AUTS2: variants seen among roughly 807,000 people sequenced by gnomAD.
AUTS2 encodes the protein autism susceptibility gene 2 protein.
A neutral mutation model predicts 112.4 loss-of-function variants in AUTS2; 17 were observed. That is an observed-to-expected ratio of 0.15 (90% CI 0.10 to 0.23). The LOEUF (loss-of-function observed/expected upper bound fraction) is 0.23, where lower values mean the gene tolerates loss of function less well. AUTS2 is among the 10% of genes least tolerant of loss of function. AUTS2 has a pLI of 1.00. For synonymous variants in AUTS2, 751 were observed against 702.7 expected, an observed-to-expected ratio of 1.07 and a Z score of -1.09; for missense variants, 1,510 against 1,701.6, an observed-to-expected ratio of 0.89 and a Z score of 1.98.
chr7:70,353,347 G>A (rs1169503301), intron 4 of AUTS2, among the ~76,000 whole-genome samples: 1 of 152,122 alleles, frequency 6.6e-6, no homozygotes, highest in Non-Finnish European at 1.5e-5. Context: ...GATGATCAGA[G>A]ATTCTTTTTT....
At chr7:70,501,849 C>T (rs1294689032) in intron 5 of AUTS2, among the ~76,000 whole-genome samples, 1 of 152,134 alleles carries the variant, frequency 6.6e-6, no homozygotes, top group Non-Finnish European at 1.5e-5. Flanking sequence ...TTTCCCCCTA[C>T]CCCAGCAACC....
intron 5 of AUTS2, among the ~76,000 whole-genome samples, chr7:70,619,345 GC>G (rs978635439): frequency 2.0e-5 from 3 of 152,124 alleles, no homozygotes; most frequent in Non-Finnish European, 4.4e-5. Context: ...ACCCTTTGCT[GC>G]CAGCAGGTTG....
At chr7:69,725,562 C>T (rs1282721291) in intron 1 of AUTS2, among the ~76,000 whole-genome samples, 1 of 151,986 alleles carries the variant, frequency 6.6e-6, no homozygotes, top group Non-Finnish European at 1.5e-5. Flanking sequence ...TAGTATGGAC[C>T]AAGACATGTG....
At chr7:70,170,660 G>A (rs565454216) in intron 4 of AUTS2, among the ~76,000 whole-genome samples, 5 of 148,384 alleles carry the variant, frequency 3.4e-5, no homozygotes, top group African/African-American at 5.0e-5. Flanking sequence ...GCGGTGGTGC[G>A]ATCTCAGCTC....
At chr7:70,168,975 G>A (rs534696880) in intron 4 of AUTS2, among the ~76,000 whole-genome samples, 12 of 152,042 alleles carry the variant, frequency 7.9e-5, no homozygotes, top group Non-Finnish European at 1.3e-4. Context: ...TTGGTTTGCA[G>A]TCCTGGTAAG....
chr7:70,267,609 G>A (rs1016262017), intron 4 of AUTS2, among the ~76,000 whole-genome samples: 2 of 152,190 alleles, frequency 1.3e-5, no homozygotes, highest in Non-Finnish European at 2.9e-5. Flanking sequence ...GACAATGGGA[G>A]AGATAAGTAG....
At chr7:70,649,675 C>A (rs1192007370) in intron 5 of AUTS2, among the ~76,000 whole-genome samples, 2 of 152,160 alleles carry the variant, frequency 1.3e-5, no homozygotes, top group South Asian at 2.1e-4. Flanking sequence ...ATTACAGGTG[C>A]CCACCACCAT....
intron 1 of AUTS2, among the ~76,000 whole-genome samples, chr7:69,635,001 A>ATT (rs35177065): frequency 6.4e-4 from 96 of 149,194 alleles, no homozygotes; most frequent in East Asian, 2.0e-3. Flanking sequence ...GCTCCTTGTA[A>ATT]TTTTTTTTTT....
chr7:70,323,085 A>G (rs1020237243), intron 4 of AUTS2, among the ~76,000 whole-genome samples: 1 of 152,236 alleles, frequency 6.6e-6, no homozygotes, highest in African/African-American at 2.4e-5. Flanking sequence ...AAAGTACAGC[A>G]GGGATATTTC....
chr7:70,647,583 C>T (rs1191855331), intron 5 of AUTS2, among the ~76,000 whole-genome samples: 1 of 152,206 alleles, frequency 6.6e-6, no homozygotes, highest in African/African-American at 2.4e-5. Context: ...CCCTTAATCT[C>T]CCCACAAACT....
At chr7:70,764,138 G>A (rs558251502) in intron 7 of AUTS2, among the ~76,000 whole-genome samples, 1 of 152,140 alleles carries the variant, frequency 6.6e-6, no homozygotes, top group South Asian at 2.1e-4. Context: ...GGTGGCTTTG[G>A]TGGTTCCGGG....
chr7:69,671,569 T>C (rs1167586279), intron 1 of AUTS2, among the ~76,000 whole-genome samples: 1 of 151,838 alleles, frequency 6.6e-6, no homozygotes, highest in East Asian at 1.9e-4. Context: ...TCTGTGTTTC[T>C]CTACCACCTT....
intron 4 of AUTS2, among the ~76,000 whole-genome samples, chr7:70,252,340 C>T (rs1786646012): frequency 6.6e-6 from 1 of 152,090 alleles, no homozygotes; most frequent in Non-Finnish European, 1.5e-5. Flanking sequence ...TTTAATTTCC[C>T]TGTTGATCAG....
At chr7:70,691,020 C>T (rs1298221256) in intron 5 of AUTS2, among the ~76,000 whole-genome samples, 2 of 152,040 alleles carry the variant, frequency 1.3e-5, no homozygotes, top group Non-Finnish European at 2.9e-5. Flanking sequence ...CAAGAATTTC[C>T]CTTTGTTTTT....
chr7:70,598,954 C>A (rs1378376618), intron 5 of AUTS2, among the ~76,000 whole-genome samples: 1 of 152,202 alleles, frequency 6.6e-6, no homozygotes, highest in Non-Finnish European at 1.5e-5. Flanking sequence ...GGAAACAAGA[C>A]ATGAACAGGC....
chr7:70,451,034 C>G lies in AUTS2; in HGVS notation c.690+15253C>G, dbSNP rs147456774. On this transcript the variant is annotated intron_variant, in intron 5 of 18. Coordinates refer to ENST00000342771, the MANE Select transcript of AUTS2 (RefSeq NM_015570.4). ...CAGAAGAGAGTACATATTGATGATG[C>G]AGGAGTGATCCCAATTTTAGTTCAG... Among the ~76,000 whole-genome samples the G allele has an allele frequency of 3.1e-3, 469 of 152,182 alleles. 3 individuals carry two copies. The highest frequency in any genetic ancestry group is 0.01 in the Middle Eastern group (3 of 294).
chr7:70,497,872 T>C (rs1223395482), intron 5 of AUTS2, among the ~76,000 whole-genome samples: 1 of 152,188 alleles, frequency 6.6e-6, no homozygotes, highest in African/African-American at 2.4e-5. Context: ...CACTCTGCTA[T>C]TAACAAATGT....
chr7:69,885,471 T>G (rs1174659549), intron 1 of AUTS2, among the ~76,000 whole-genome samples: 1 of 152,230 alleles, frequency 6.6e-6, no homozygotes, highest in Non-Finnish European at 1.5e-5. Flanking sequence ...CTTTCCCTAA[T>G]TACACTTCGG....
chr7:69,710,607 C>A (rs770883811), intron 1 of AUTS2, among the ~76,000 whole-genome samples: 4 of 152,196 alleles, frequency 2.6e-5, no homozygotes, highest in Non-Finnish European at 4.4e-5. Flanking sequence ...CCGATTATGT[C>A]CTACTTGGTA....
Sources: gnomAD v4.1 joint callset for allele counts (sites outside exome capture counted in the v4.1 genomes callset) on GRCh38, gnomAD v4.1.1 for gene constraint, MANE v1.5 for transcripts, NCBI Gene and HGNC (gene_info 2026-07-23, HGNC 2026-07-21) for gene names.